The following CNTNAP2 variants were observed in gnomAD, a reference collection of about 807,000 sequenced individuals.
CNTNAP2 encodes contactin associated protein 2.
Under a neutral mutation model 155.2 loss-of-function variants are expected in CNTNAP2, and 98 were observed. The ratio of observed to expected loss-of-function variants is 0.63; its 90% CI spans 0.54 to 0.75. The LOEUF (loss-of-function observed/expected upper bound fraction) is 0.75. CNTNAP2 is among the 30% of genes least tolerant of loss of function. CNTNAP2 has a pLI of 0.00. For missense variants in CNTNAP2, 1,727 were observed against 1,688.1 expected (o/e 1.02, Z -0.40); for synonymous variants, 651 against 631.2 (o/e 1.03, Z -0.47).
chr7:148,211,765 C>G (rs770241290), intron 18 of CNTNAP2, among the ~76,000 whole-genome samples: 13 of 152,192 alleles, frequency 8.5e-5, no homozygotes, highest in Non-Finnish European at 1.9e-4. Flanking sequence ...CAGTGGCACT[C>G]TTCAGTAATC....
intron 8 of CNTNAP2, among the ~76,000 whole-genome samples, chr7:147,233,253 T>C (rs765575346): frequency 2.6e-5 from 4 of 152,164 alleles, no homozygotes; most frequent in Non-Finnish European, 5.9e-5. Context: ...ATTTCTTCCA[T>C]AAGTTAGGCT....
Position 147,015,445 on chromosome 7 carries a change from A to AT in CNTNAP2, c.403-28454dup, listed in dbSNP as rs1168033283. Among the ~76,000 whole-genome samples, 5 of 151,930 alleles carry AT rather than the reference A, an allele frequency of 3.3e-5. No homozygotes were observed. In the East Asian group the frequency reaches 5.8e-4, roughly 18 times the overall value. On this transcript the variant is annotated intron_variant, in intron 3 of 23. Coordinates refer to ENST00000361727, the MANE Select transcript of CNTNAP2 (RefSeq NM_014141.6). The stretch of plus-strand genomic sequence containing the variant: ...GGCATCATCCAAAAAAGTGACTTCT[A>AT]TTTTTTTTAATTACCATTTTGAAAA...
chr7:147,128,970 A>G, intron 7 of CNTNAP2, 134 bp downstream of exon 7: 2 of 1,097,274 alleles, frequency 1.8e-6, no homozygotes, highest in Non-Finnish European at 2.8e-6. Flanking sequence ...TGTAAAACAA[A>G]CATTAGAGTT....
intron 15 of CNTNAP2, among the ~76,000 whole-genome samples, chr7:148,034,008 G>C (rs1320141252): frequency 6.6e-6 from 1 of 151,980 alleles, no homozygotes; most frequent in Non-Finnish European, 1.5e-5. Flanking sequence ...AATTCTAAAA[G>C]AAAAACTCTA....
At chr7:147,590,275 G>T (rs1289439066) in intron 12 of CNTNAP2, among the ~76,000 whole-genome samples, 1 of 151,874 alleles carries the variant, frequency 6.6e-6, no homozygotes, top group East Asian at 1.9e-4. Flanking sequence ...AATTGATATG[G>T]TTTGGCTCTG....
At chr7:146,141,399 T>TA (rs1197640481) in intron 1 of CNTNAP2, among the ~76,000 whole-genome samples, 2 of 152,050 alleles carry the variant, frequency 1.3e-5, no homozygotes, top group African/African-American at 4.8e-5. Context: ...CTGTATTTTT[T>TA]ATGGATTTAC....
In CNTNAP2 at chr7:146,338,850, G is replaced by A. The variant is rs191530074; in HGVS notation, c.97+221877G>A. Among the ~76,000 whole-genome samples the A allele has an allele frequency of 3.5e-4, 53 of 151,932 alleles. 1 individual carries two copies. The highest frequency in any genetic ancestry group is 1.3e-3 in the African/African-American group (53 of 41,356). ...TATATAAGCCTCATAGTAACCACAA[G>A]CAAAATCTATATTAGATACAGAAAA... is the stretch of plus-strand genomic sequence containing the variant. On this transcript the variant is annotated intron_variant, in intron 1 of 23. Coordinates refer to ENST00000361727, the MANE Select transcript of CNTNAP2 (RefSeq NM_014141.6).
intron 1 of CNTNAP2, among the ~76,000 whole-genome samples, chr7:146,614,502 G>A (rs1429218885): frequency 6.6e-6 from 1 of 152,144 alleles, no homozygotes; most frequent in Admixed American, 6.6e-5. Context: ...TGATTCTTTG[G>A]TTATGAGCAT....
At chr7:146,133,305 C>A (rs1251508349) in intron 1 of CNTNAP2, among the ~76,000 whole-genome samples, 3 of 151,372 alleles carry the variant, frequency 2.0e-5, no homozygotes, top group Non-Finnish European at 2.9e-5. Flanking sequence ...TGTAGATTCT[C>A]GATATTAGCC....
At chr7:147,898,958 T>C (rs1799816660) in intron 13 of CNTNAP2, among the ~76,000 whole-genome samples, 1 of 92,580 alleles carries the variant, frequency 1.1e-5, no homozygotes, top group Admixed American at 1.1e-4. Context: ...TTGTCACATA[T>C]TGCAAAATGT....
chr7:147,694,958 T>A (rs558699336), intron 13 of CNTNAP2, among the ~76,000 whole-genome samples: 2,494 of 152,294 alleles, frequency 0.016, 219 homozygotes, highest in Admixed American at 0.15. Context: ...TCTTTTTTTC[T>A]AATATATGCA....
intron 9 of CNTNAP2, among the ~76,000 whole-genome samples, chr7:147,334,443 A>G (rs1795630629): frequency 6.6e-6 from 1 of 152,214 alleles, no homozygotes; most frequent in Non-Finnish European, 1.5e-5. Flanking sequence ...GGCTCTTATT[A>G]TCATCTCTAA....
intron 1 of CNTNAP2, among the ~76,000 whole-genome samples, chr7:146,755,639 G>A (rs1801982682): frequency 6.6e-6 from 1 of 151,974 alleles, no homozygotes; most frequent in Non-Finnish European, 1.5e-5. Flanking sequence ...TAAGAAATGT[G>A]AAATGTCAAG....
chr7:147,701,585 T>A (rs560649798), intron 13 of CNTNAP2, among the ~76,000 whole-genome samples: 1 of 152,320 alleles, frequency 6.6e-6, no homozygotes, highest in Admixed American at 6.5e-5. Flanking sequence ...TTTTTCATAA[T>A]TTCCATTAAT....
intron 1 of CNTNAP2, among the ~76,000 whole-genome samples, chr7:146,387,481 G>A (rs73453125): frequency 0.027 from 4,065 of 152,300 alleles, 179 homozygotes; most frequent in African/African-American, 0.092. Flanking sequence ...GACCTTGGAA[G>A]AGGATGCCAG....
At chr7:146,982,362 A>T (rs1798033792) in intron 3 of CNTNAP2, among the ~76,000 whole-genome samples, 1 of 152,066 alleles carries the variant, frequency 6.6e-6, no homozygotes, top group Admixed American at 6.6e-5. Context: ...AAACATTAAC[A>T]CCCCATTCTT....
chr7:146,799,910 G>A (rs1162477604), intron 2 of CNTNAP2, among the ~76,000 whole-genome samples: 1 of 151,806 alleles, frequency 6.6e-6, no homozygotes, highest in Non-Finnish European at 1.5e-5. Context: ...AAAATTCCTG[G>A]TACATCATAA....
chr7:147,573,462 G>C (rs1361496192), intron 12 of CNTNAP2, among the ~76,000 whole-genome samples: 1 of 152,056 alleles, frequency 6.6e-6, no homozygotes, highest in Non-Finnish European at 1.5e-5. Flanking sequence ...ATCTTCACTG[G>C]ACCCCTATTT....
intron 21 of CNTNAP2, among the ~76,000 whole-genome samples, chr7:148,301,106 T>G (rs758238448): frequency 4.8e-4 from 73 of 151,742 alleles, no homozygotes; most frequent in Non-Finnish European, 1.0e-4. Flanking sequence ...CCAGCCTGAC[T>G]AACATGGTGA....
Sources: gnomAD v4.1 joint callset for allele counts (sites outside exome capture counted in the v4.1 genomes callset) on GRCh38, gnomAD v4.1.1 for gene constraint, MANE v1.5 for transcripts, NCBI Gene and HGNC (gene_info 2026-07-23, HGNC 2026-07-21) for gene names.